RAD51B: variants seen among roughly 807,000 people sequenced by gnomAD.
The protein encoded by RAD51B is RAD51 paralog B.
A neutral mutation model predicts 42.2 loss-of-function variants in RAD51B; 38 were observed. The ratio of observed to expected loss-of-function variants is 0.90; its 90% confidence interval spans 0.70 to 1.18. The LOEUF is 1.18. RAD51B is among the 50% of genes most tolerant of loss of function. The pLI, the probability that RAD51B is intolerant of heterozygous loss-of-function variation, is 0.00. For missense variants in RAD51B, 373 were observed against 400.7 expected, an observed-to-expected ratio of 0.93 and a Z score of 0.59; for synonymous variants, 154 against 145.2, an observed-to-expected ratio of 1.06 and a Z score of -0.43.
At chr14:68,231,297 T>A (rs1318695148) in intron 7 of RAD51B, among the ~76,000 whole-genome samples, 1 of 152,198 alleles carries the variant, frequency 6.6e-6, no homozygotes, top group Admixed American at 6.5e-5. Flanking sequence ...TTCTTTCTTA[T>A]CCTTAACCAC....
intron 10 of RAD51B, among the ~76,000 whole-genome samples, chr14:68,548,317 C>A (rs1412115736): frequency 1.3e-5 from 2 of 152,216 alleles, no homozygotes; most frequent in African/African-American, 4.8e-5. Context: ...CAGCCCAGCC[C>A]TGCCCAGCCC....
At chr14:67,967,860 G>A (rs534847854) in intron 7 of RAD51B, among the ~76,000 whole-genome samples, 1 of 152,326 alleles carries the variant, frequency 6.6e-6, no homozygotes, top group African/African-American at 2.4e-5. Flanking sequence ...ACTAGGCAGT[G>A]TCCCAGAAGG....
intron 8 of RAD51B, among the ~76,000 whole-genome samples, chr14:68,308,171 AT>A (rs1406681063): frequency 6.6e-6 from 1 of 152,150 alleles, no homozygotes; most frequent in Non-Finnish European, 1.5e-5. Flanking sequence ...CAACTTGAGT[AT>A]TTTTTGCCCT....
chr14:68,279,604 G>A (rs1233224832), intron 7 of RAD51B, among the ~76,000 whole-genome samples: 1 of 152,120 alleles, frequency 6.6e-6, no homozygotes, highest in Non-Finnish European at 1.5e-5. Context: ...ATAAGGCCAG[G>A]ACCTCTGTCA....
intron 8 of RAD51B, among the ~76,000 whole-genome samples, chr14:68,362,494 A>G (rs777417917): frequency 3.9e-5 from 6 of 152,230 alleles, no homozygotes; most frequent in Non-Finnish European, 7.3e-5. Context: ...TTCTGGTTCT[A>G]GAACCTACGT....
intron 7 of RAD51B, among the ~76,000 whole-genome samples, chr14:67,894,082 G>A (rs1450998991): frequency 3.3e-5 from 5 of 152,084 alleles, no homozygotes; most frequent in African/African-American, 7.2e-5. Context: ...CTAACCTTTC[G>A]TTTCCATGTT....
intron 10 of RAD51B, among the ~76,000 whole-genome samples, chr14:68,584,955 G>A (rs570290374): frequency 2.2e-4 from 33 of 152,094 alleles, no homozygotes; most frequent in Non-Finnish European, 2.8e-4. Context: ...AGAGCTGGGC[G>A]TTACACTCAA....
intron 7 of RAD51B, among the ~76,000 whole-genome samples, chr14:68,151,424 T>C (rs2078376600): frequency 6.6e-6 from 1 of 152,024 alleles, no homozygotes; most frequent in South Asian, 2.1e-4. Flanking sequence ...TTTCTTGAGC[T>C]TTTTTTGATA....
chr14:68,322,848 G>A (rs963937950), intron 8 of RAD51B, among the ~76,000 whole-genome samples: 3 of 152,206 alleles, frequency 2.0e-5, no homozygotes, highest in African/African-American at 7.2e-5. Context: ...AAGGAGGGCT[G>A]CCTACAAGCA....
At chr14:68,264,255 C>T (rs1441110198) in intron 7 of RAD51B, among the ~76,000 whole-genome samples, 1 of 152,222 alleles carries the variant, frequency 6.6e-6, no homozygotes, top group East Asian at 1.9e-4. Flanking sequence ...TGTTGGTCAA[C>T]ATGCCTATCC....
chr14:68,575,593 T>A (rs927462949), intron 10 of RAD51B, among the ~76,000 whole-genome samples: 6 of 152,024 alleles, frequency 3.9e-5, no homozygotes, highest in Admixed American at 1.3e-4. Context: ...CCCCTCTCCC[T>A]CCCCAACGCC....
intron 7 of RAD51B, among the ~76,000 whole-genome samples, chr14:67,899,934 G>A (rs1213282275): frequency 6.6e-6 from 1 of 152,222 alleles, no homozygotes; most frequent in African/African-American, 2.4e-5. Context: ...TACAATGCAT[G>A]TGTTCTTATT....
intron 7 of RAD51B, among the ~76,000 whole-genome samples, chr14:68,200,205 G>A (rs2079454131): frequency 6.6e-6 from 1 of 152,038 alleles, no homozygotes; most frequent in Non-Finnish European, 1.5e-5. Flanking sequence ...CATTTCTTTT[G>A]TGGCACCTTC....
chr14:68,033,438 T>A (rs2076076647), intron 7 of RAD51B, among the ~76,000 whole-genome samples: 1 of 152,176 alleles, frequency 6.6e-6, no homozygotes, highest in South Asian at 2.1e-4. Context: ...TCTATTTGGA[T>A]GCTTTTAAGT....
chr14:67,935,288 C>G (rs1160069379), intron 7 of RAD51B, among the ~76,000 whole-genome samples: 1 of 152,070 alleles, frequency 6.6e-6, no homozygotes, highest in Non-Finnish European at 1.5e-5. Flanking sequence ...ATATGGTGCA[C>G]TTTCAAAGAT....
At chr14:68,320,041 C>T (rs1248959894) in intron 8 of RAD51B, among the ~76,000 whole-genome samples, 1 of 152,160 alleles carries the variant, frequency 6.6e-6, no homozygotes, top group African/African-American at 2.4e-5. Context: ...AATCTGACTC[C>T]AAAACCCCTT....
intron 8 of RAD51B, chr14:68,339,290 A>T: frequency 1.1e-6 from 1 of 907,518 alleles, no homozygotes; most frequent in South Asian, 1.4e-5. Flanking sequence ...TGAACTGGTT[A>T]ATGGCAGGAG....
intron 7 of RAD51B, among the ~76,000 whole-genome samples, chr14:68,169,020 T>A (rs1050480156): frequency 3.3e-5 from 5 of 152,194 alleles, no homozygotes; most frequent in Admixed American, 2.6e-4. Flanking sequence ...TATTCCTGGC[T>A]CTCTCCTATT....
chr14:68,678,600 C>T (rs1330987458), intron 11 of RAD51B, among the ~76,000 whole-genome samples: 8 of 152,262 alleles, frequency 5.3e-5, no homozygotes, highest in African/African-American at 1.7e-4. Flanking sequence ...GGGTGGCTGC[C>T]TCCCTGCCCT....
Sources: gnomAD v4.1 joint callset for allele counts (sites outside exome capture counted in the v4.1 genomes callset) on GRCh38, gnomAD v4.1.1 for gene constraint, MANE v1.5 for transcripts, NCBI Gene and HGNC (gene_info 2026-07-23, HGNC 2026-07-21) for gene names.